Variants in NCOA2 observed in about 807,000 individuals in gnomAD.
NCOA2 encodes the protein nuclear receptor coactivator 2, also known as class E basic helix-loop-helix protein 75.
NCOA2 carries 21 observed loss-of-function variants against 145.1 expected under a neutral mutation model. The observed-to-expected ratio is 0.14, with a 90% confidence interval of 0.10 to 0.21. The LOEUF (loss-of-function observed/expected upper bound fraction) is 0.21. Ranked by LOEUF, NCOA2 falls within the 10% of genes least tolerant of loss-of-function variation. The pLI is 1.00. For missense variants in NCOA2, 1,472 were observed against 1,837.6 expected (o/e 0.80, Z 3.64); for synonymous variants, 619 against 637.5 (o/e 0.97, Z 0.44).
At chr8:70,402,759 C>CCTCCCGGTCCGCCTCCCG in intron 1 of NCOA2, among the ~76,000 whole-genome samples, 1 of 151,912 alleles carries the variant, frequency 6.6e-6, no homozygotes, top group South Asian at 2.1e-4. Flanking sequence ...CAACCCGGAA[C>CCTCCCGGTCCGCCTCCCG]CTCCCGGTCC....
intron 1 of NCOA2, among the ~76,000 whole-genome samples, chr8:70,374,471 C>CA (rs755097636): frequency 0.016 from 1,556 of 96,612 alleles, 14 homozygotes; most frequent in African/African-American, 0.029. Context: ...GACTCTGTCT[C>CA]AAAAAAAAAA....
At chr8:70,358,463 T>C (rs1370071943) in intron 1 of NCOA2, among the ~76,000 whole-genome samples, 1 of 152,194 alleles carries the variant, frequency 6.6e-6, no homozygotes, top group Non-Finnish European at 1.5e-5. Context: ...ACATTATCTA[T>C]GGCAAACTAA....
intron 1 of NCOA2, among the ~76,000 whole-genome samples, chr8:70,398,111 A>G (rs1813863079): frequency 6.6e-6 from 1 of 152,170 alleles, no homozygotes; most frequent in Non-Finnish European, 1.5e-5. Flanking sequence ...AAACGATAAA[A>G]TGAATGAAGC....
At chr8:70,218,842 C>A (rs999734401) in intron 2 of NCOA2, among the ~76,000 whole-genome samples, 1 of 152,074 alleles carries the variant, frequency 6.6e-6, no homozygotes, top group African/African-American at 2.4e-5. Flanking sequence ...TACAGCATAG[C>A]AAAATGCCCT....
intron 2 of NCOA2, among the ~76,000 whole-genome samples, chr8:70,277,721 A>AT (rs1025202904): frequency 7.9e-5 from 12 of 152,258 alleles, no homozygotes; most frequent in Middle Eastern, 3.4e-3. Flanking sequence ...ACTCACTGTC[A>AT]TTTTTTAAAA....
At chr8:70,204,403 A>C (rs1818229086) in intron 4 of NCOA2, among the ~76,000 whole-genome samples, 1 of 152,232 alleles carries the variant, frequency 6.6e-6, no homozygotes, top group Non-Finnish European at 1.5e-5. Context: ...TCAGAATCTA[A>C]GAGAGTTAAC....
At chr8:70,328,553 T>C (rs974112918) in intron 1 of NCOA2, among the ~76,000 whole-genome samples, 2 of 152,190 alleles carry the variant, frequency 1.3e-5, no homozygotes, top group African/African-American at 4.8e-5. Flanking sequence ...GTCCTTGTTA[T>C]AGAAGAACTC....
intron 2 of NCOA2, among the ~76,000 whole-genome samples, chr8:70,276,433 T>A (rs552501799): frequency 6.6e-6 from 1 of 152,156 alleles, no homozygotes; most frequent in African/African-American, 2.4e-5. Flanking sequence ...TACACTGATA[T>A]AGTTTGGTTG....
Position 70,158,824 on chromosome 8 carries a change from CA to C in NCOA2, c.1124+680del, listed in dbSNP as rs549387501. On this transcript the variant is annotated intron_variant, in intron 10 of 22. Coordinates refer to ENST00000452400, the MANE Select transcript of NCOA2 (RefSeq NM_006540.4). ...CATTTAAACACACAGGAGCAGAAATCATACTAGTGACATCAATATTCCTGCC... is the reference window on the plus strand; with the variant it reads ...CATTTAAACACACAGGAGCAGAAATCTACTAGTGACATCAATATTCCTGCC... Among the ~76,000 whole-genome samples, 228 of 152,254 alleles carry C rather than the reference CA, an allele frequency of 1.5e-3. 1 individual carries two copies. The highest frequency in any genetic ancestry group is 5.1e-3 in the African/African-American group (213 of 41,558).
chr8:70,117,461 G>A lies in NCOA2; in HGVS notation c.4384-3818C>T, dbSNP rs1807269015. On this transcript the variant is annotated intron_variant, in intron 22 of 22. Transcript: ENST00000452400. Reference sequence around the variant, plus strand: ...TGAGATGAAGAATCCCAATGCCTGAGGCTGAGGATGCTTCCAAAAATGTAG... The same window carrying A: ...TGAGATGAAGAATCCCAATGCCTGAAGCTGAGGATGCTTCCAAAAATGTAG... Among the ~76,000 whole-genome samples, 3 of 152,228 alleles carry A rather than the reference G, an allele frequency of 2.0e-5. No homozygotes were observed. In the South Asian group the frequency reaches 6.2e-4, roughly 32 times the overall value.
chr8:70,297,896 T>G (rs908317202), intron 1 of NCOA2, among the ~76,000 whole-genome samples: 2 of 152,236 alleles, frequency 1.3e-5, no homozygotes, highest in African/African-American at 4.8e-5. Flanking sequence ...AGTATGTGCT[T>G]ACGGCATTTT....
At chr8:70,392,131 A>T (rs1223078989) in intron 1 of NCOA2, among the ~76,000 whole-genome samples, 1 of 152,220 alleles carries the variant, frequency 6.6e-6, no homozygotes, top group Non-Finnish European at 1.5e-5. Context: ...GTTGGGACCA[A>T]AGAAATCCTT....
chr8:70,186,789 C>G (rs1050402253), intron 4 of NCOA2, among the ~76,000 whole-genome samples: 2 of 152,096 alleles, frequency 1.3e-5, no homozygotes, highest in African/African-American at 4.8e-5. Context: ...GACTAGGAAG[C>G]ATTTGGAAAA....
At chr8:70,407,657 TG>T (rs1336110807), upstream of NCOA2, among the ~76,000 whole-genome samples, 2 of 147,412 alleles carry the variant, frequency 1.4e-5, no homozygotes, top group African/African-American at 5.0e-5. Context: ...ATTAGCTGGG[TG>T]TGGTGGCGCG....
chr8:70,126,593 G>T (rs1358396059), intron 19 of NCOA2: 2 of 578,722 alleles, frequency 3.5e-6, no homozygotes, highest in Non-Finnish European at 6.2e-6. Context: ...TGCACTCAGA[G>T]AAAAGGAGGT....
chr8:70,423,750 GAGTAACTGGCTACAAA>G, the NCOA2 span, among the ~76,000 whole-genome samples: 1 of 152,132 alleles, frequency 6.6e-6, no homozygotes, highest in Non-Finnish European at 1.5e-5. Context: ...TCAAAGGAAC[GAGTAACTGGCTACAAA>G]AGTGGGGTAC....
chr8:70,446,372 G>A, the NCOA2 span, among the ~76,000 whole-genome samples: 1 of 152,128 alleles, frequency 6.6e-6, no homozygotes, highest in East Asian at 1.9e-4. Context: ...GAGGACTGTG[G>A]AAGAATATAG....
chr8:70,159,244 T>TATATATATATATATATATGTATATATATA, intron 10 of NCOA2, among the ~76,000 whole-genome samples: 2 of 69,304 alleles, frequency 2.9e-5, no homozygotes, highest in South Asian at 7.7e-4. Flanking sequence ...ATATATATAT[T>TATATATATATATATATATGTATATATATA]TTTTTTTTTT....
At chr8:70,203,267 A>AAAAAAAAG (rs934506137) in intron 4 of NCOA2, among the ~76,000 whole-genome samples, 5 of 151,436 alleles carry the variant, frequency 3.3e-5, no homozygotes, top group East Asian at 1.9e-4. Flanking sequence ...GTCTCAAAAA[A>AAAAAAAAG]AAAAAGAAAA....
Sources: gnomAD v4.1 joint callset for allele counts (sites outside exome capture counted in the v4.1 genomes callset) on GRCh38, gnomAD v4.1.1 for gene constraint, MANE v1.5 for transcripts, NCBI Gene and HGNC (gene_info 2026-07-23, HGNC 2026-07-21) for gene names.